The following TFCP2L1 variants were observed in gnomAD, a reference collection of about 807,000 sequenced individuals.
TFCP2L1 encodes transcription factor CP2 like 1.
A neutral mutation model predicts 72.2 loss-of-function variants in TFCP2L1; 12 were observed. The ratio of observed to expected loss-of-function variants is 0.17; its 90% CI spans 0.11 to 0.27. The LOEUF is 0.27. Ranked by LOEUF, TFCP2L1 falls within the 10% of genes least tolerant of loss-of-function variation. The pLI, the probability that TFCP2L1 is intolerant of heterozygous loss-of-function variation, is 1.00. For missense variants in TFCP2L1, 488 were observed against 624.6 expected (o/e 0.78, Z 2.33); for synonymous variants, 260 against 251.0 (o/e 1.04, Z -0.34).
At chr2:121,269,918 A>AAAAAAAATAT in intron 2 of TFCP2L1, among the ~76,000 whole-genome samples, 3 of 115,172 alleles carry the variant, frequency 2.6e-5, no homozygotes, top group East Asian at 3.8e-4. Context: ...AAAAAAAAAA[A>AAAAAAAATAT]ATATATATAT....
rs1173896817 is a variant in TFCP2L1 at position 121,216,702 on chromosome 2, C to T, written c.*7639G>A. ...TGCAAAATATGCTTTATTTCAGGTACAAAAACATGGCAGTAGGACAACTTT... is the reference window on the plus strand; with the variant it reads ...TGCAAAATATGCTTTATTTCAGGTATAAAAACATGGCAGTAGGACAACTTT... On this transcript the variant is annotated 3_prime_UTR_variant, in exon 15 of 15. Transcript: ENST00000263707. 6.6e-6 allele frequency: 1 copy of T among 152,178 alleles called. No homozygotes were observed. The highest frequency in any genetic ancestry group is 1.5e-5 in the Non-Finnish European group (1 of 68,050). 9.4% of individuals were successfully genotyped at this position (152,178 alleles called of 1,614,324 possible).
At chr2:121,260,485 C>T (rs1220941782) in intron 2 of TFCP2L1, among the ~76,000 whole-genome samples, 1 of 152,180 alleles carries the variant, frequency 6.6e-6, no homozygotes, top group African/African-American at 2.4e-5. Flanking sequence ...GTATCGTATG[C>T]GCCCTCCTAC....
At chr2:121,229,618 TC>T in intron 13 of TFCP2L1, among the ~76,000 whole-genome samples, 1 of 152,100 alleles carries the variant, frequency 6.6e-6, no homozygotes, top group Middle Eastern at 3.4e-3. Context: ...CACCACTAGC[TC>T]CCCCAAATAA....
In TFCP2L1 at chr2:121,225,834, A is replaced by G. The variant is rs1425263056; in HGVS notation, c.1342-221T>C. On this transcript the variant is annotated intron_variant, in intron 13 of 14. Transcript: ENST00000263707. ...CCACGGTGCCCACACACACGGGAAC[A>G]CGGTAAACACCACTGCCACGGTGCC... Among the ~76,000 whole-genome samples, 239 of 138,728 alleles carry G rather than the reference A, an allele frequency of 1.7e-3. 3 individuals carry two copies. The highest frequency in any genetic ancestry group is 5.9e-3 in the African/African-American group (208 of 35,122). 91.0% of individuals were successfully genotyped at this position (138,728 alleles called of 152,430 possible).
At chr2:121,230,754 T>C (rs113469331) in intron 13 of TFCP2L1, among the ~76,000 whole-genome samples, 2,997 of 151,912 alleles carry the variant, frequency 0.02, 115 homozygotes, top group African/African-American at 0.067. Flanking sequence ...TAGAGCAAGA[T>C]CTTGTCTCAC....
In TFCP2L1 at chr2:121,248,036, T is replaced by A. The variant is rs972958383; in HGVS notation, c.504+128A>T. 10 of 677,710 alleles carry A rather than the reference T, an allele frequency of 1.5e-5. No individual in the cohort carries two copies. The African/African-American group carries it at 1.8e-4, about 12-fold the overall frequency. The allele number at this position is 677,710 out of a possible 1,614,324, so 42.0% of individuals were successfully genotyped here. ...AACACTCATTCTCTCTCTCCTGCAG[T>A]TTCCTTCCCAGTGACAGGGAGCAGA... is the stretch of plus-strand genomic sequence containing the variant. On this transcript the variant is annotated intron_variant, in intron 5 of 14. Coordinates refer to ENST00000263707, the MANE Select transcript of TFCP2L1 (RefSeq NM_014553.3).
Position 121,264,634 on chromosome 2 carries a change from T to G in TFCP2L1, c.215-14987A>C, listed in dbSNP as rs527397680. Among the ~76,000 whole-genome samples the G allele has an allele frequency of 3.5e-4, 53 of 152,294 alleles. No individual in the cohort carries two copies. In the South Asian group the frequency reaches 0.011, roughly 32 times the overall value. On this transcript the variant is annotated intron_variant, in intron 2 of 14. Transcript: ENST00000263707. ...CTGGCCACCAGGGCAGGGATGCTGG[T>G]GGGCAGAGCTTGCAGAAGGCAGATG...
chr2:121,239,549 G>A lies in TFCP2L1; in HGVS notation c.860+9C>T, dbSNP rs1686320517. On this transcript the variant is annotated intron_variant, in intron 8 of 14. Coordinates refer to ENST00000263707, the MANE Select transcript of TFCP2L1 (RefSeq NM_014553.3). The stretch of plus-strand genomic sequence containing the variant: ...TCAGGGAACCCGAAGAAAGAGAGGT[G>A]GGACGTACCCTTCGCCGAGGCCAAA... The A allele has an allele frequency of 2.5e-6, 4 of 1,613,990 alleles. No homozygotes were observed. In the East Asian group the frequency reaches 8.9e-5, roughly 36 times the overall value.
At position 121,231,938 on chromosome 2, in the gene TFCP2L1, G is replaced by T; in HGVS notation, c.1229C>A (p.Thr410Asn). Residue 410 changes from threonine (T) to asparagine (N), a missense_variant, in exon 13 of 15, where the codon ACC (threonine) becomes AAC (asparagine). This residue lies in a region of TFCP2L1 where 286 missense variants were observed against 329.0 expected (regional missense o/e 0.87). Transcript: ENST00000263707. ...GATCTTCTCAATCAGCTCCAAGGTG[G>T]TCAGCTCTTCCAGGAAGATGGCGTG... is the stretch of plus-strand genomic sequence containing the variant. ...VYHAIFLEEL[T>N]TLELIEKIAN... 6.2e-7 allele frequency: 1 copy of T among 1,609,706 alleles called. No homozygotes were observed. Among genetic ancestry groups the T allele is most frequent in the African/African-American group, 1.3e-5 (1 of 74,978 alleles).
chr2:121,237,750 G>A, intron 9 of TFCP2L1, 34 bp from the exon 10 acceptor site: 1 of 1,613,866 alleles, frequency 6.2e-7, no homozygotes, highest in Non-Finnish European at 8.5e-7. Flanking sequence ...TGAGATGGTG[G>A]CTCAGGGCCC....
intron 2 of TFCP2L1, among the ~76,000 whole-genome samples, chr2:121,276,591 C>T (rs558424393): frequency 6.7e-6 from 1 of 150,006 alleles, no homozygotes; most frequent in Non-Finnish European, 1.5e-5. Context: ...TGAGATGGAG[C>T]TACTGCACTC....
chr2:121,259,105 G>T (rs978272331), intron 2 of TFCP2L1, among the ~76,000 whole-genome samples: 4 of 152,118 alleles, frequency 2.6e-5, no homozygotes, highest in Non-Finnish European at 4.4e-5. Flanking sequence ...AAATTAGCCG[G>T]ATGCGGTGGC....
At chr2:121,266,932 A>C (rs1276265675) in intron 2 of TFCP2L1, among the ~76,000 whole-genome samples, 1 of 146,438 alleles carries the variant, frequency 6.8e-6, no homozygotes, top group East Asian at 2.0e-4. Context: ...TTTATTTTTG[A>C]GATGGAGTCT....
chr2:121,274,261 A>G (rs891639973), intron 2 of TFCP2L1, among the ~76,000 whole-genome samples: 1 of 152,116 alleles, frequency 6.6e-6, no homozygotes, highest in African/African-American at 2.4e-5. Flanking sequence ...AAATATTTAC[A>G]GAGCACCTAC....
At chr2:121,273,243 G>T (rs1366248265) in intron 2 of TFCP2L1, among the ~76,000 whole-genome samples, 13 of 152,100 alleles carry the variant, frequency 8.5e-5, no homozygotes, top group African/African-American at 2.2e-4. Flanking sequence ...CTTATCTCAA[G>T]CCAGAAATCC....
intron 2 of TFCP2L1, among the ~76,000 whole-genome samples, chr2:121,274,777 T>C (rs1278760065): frequency 6.6e-6 from 1 of 152,020 alleles, no homozygotes; most frequent in Non-Finnish European, 1.5e-5. Context: ...GGATCTTGTA[T>C]CTACGAAAAA....
intron 2 of TFCP2L1, among the ~76,000 whole-genome samples, chr2:121,269,460 C>CAA (rs138879374): frequency 1.3e-5 from 2 of 151,028 alleles, no homozygotes. Context: ...ACAACAACAA[C>CAA]AAAAAAACTT....
At position 121,235,318 on chromosome 2, in the gene TFCP2L1, A is replaced by G; in HGVS notation, c.1004-7T>C. The G allele has an allele frequency of 6.2e-7, 1 of 1,614,022 alleles. No individual in the cohort carries two copies. Among genetic ancestry groups the G allele is most frequent in the Non-Finnish European group, 8.5e-7 (1 of 1,179,982 alleles). ...ATCTTCAGCAAGTCAGCACCTAGGCAGGAAAAAAACGGGGATGCCTGTTAC... is the reference window on the plus strand; with the variant it reads ...ATCTTCAGCAAGTCAGCACCTAGGCGGGAAAAAAACGGGGATGCCTGTTAC... On this transcript the variant is annotated splice_polypyrimidine_tract_variant and splice_region_variant and intron_variant, in intron 10 of 14. Transcript: ENST00000263707.
At chr2:121,231,779 C>T (rs1296734169) in intron 13 of TFCP2L1, 47 bp downstream of exon 13, 29 of 1,600,046 alleles carry the variant, frequency 1.8e-5, no homozygotes, top group Non-Finnish European at 2.3e-5. Flanking sequence ...ACACTCCTCC[C>T]GTGGCCCAGA....
Sources: allele counts gnomAD v4.1 joint callset (sites outside exome capture counted in the v4.1 genomes callset), GRCh38; gene constraint gnomAD v4.1.1; regional missense constraint gnomAD v4.1.1; transcripts MANE v1.5; gene names NCBI Gene and HGNC (gene_info 2026-07-23, HGNC 2026-07-21).